The following SPPL2A variants were observed in gnomAD, a reference collection of about 807,000 sequenced individuals.
The protein encoded by SPPL2A is signal peptide peptidase like 2A.
In SPPL2A, 51 loss-of-function variants were observed where a neutral mutation model predicts 63.8. That is an observed-to-expected ratio of 0.80 (90% CI 0.64 to 1.01). The LOEUF is 1.01. Ranked by LOEUF, SPPL2A falls within the 50% of genes least tolerant of loss-of-function variation. The pLI is 0.00. For missense variants in SPPL2A, 553 were observed against 622.7 expected, an observed-to-expected ratio of 0.89 and a Z score of 1.19; for synonymous variants, 188 against 205.8, an observed-to-expected ratio of 0.91 and a Z score of 0.74.
chr15:50,749,500 A>C (rs2062888673), intron 2 of SPPL2A, 136 bp downstream of exon 2: 9 of 630,590 alleles, frequency 1.4e-5, no homozygotes, highest in Non-Finnish European at 2.6e-5. Context: ...GTTAGCCAGG[A>C]TGGTCTTGAT....
In SPPL2A at chr15:50,707,852, G is replaced by A. The variant is rs1673006221; in HGVS notation, c.1511C>T (p.Ala504Val). Residue 504 changes from alanine to valine, a missense_variant, in exon 15 of 15, where the codon GCA becomes GTA. Transcript: ENST00000261854. ...TATCACAGGGTTTTCTTCATTTGTT[G>A]CACAATCCAAATGGTCCATCATCTA... ...SYQMMDHLDC[A>V]TNEENPVISG... 2 of 1,597,132 alleles carry A rather than the reference G, an allele frequency of 1.3e-6. No homozygotes were observed. The highest frequency in any genetic ancestry group is 1.7e-6 in the Non-Finnish European group (2 of 1,164,628).
Position 50,722,149 on chromosome 15 carries a change from G to A in SPPL2A, c.1302C>T (p.Tyr434=), listed in dbSNP as rs1215255820. ...CAACTGTAGACGAAACATAGTATAT[G>A]TAAGAAGAACCAGTCTGAACATCAA... ...RRFDVQTGSS[Y]IYYVSSTVAY... is the part of the protein sequence containing the mutation. The change falls in exon 13 of 15, where the codon TAC becomes TAT. Residue 434 remains tyrosine (Y), a synonymous_variant. Transcript: ENST00000261854. 2 of 1,594,074 alleles carry A rather than the reference G, an allele frequency of 1.3e-6. No individual in the cohort carries two copies. The highest frequency in any genetic ancestry group is 1.1e-5 in the South Asian group (1 of 90,720).
intron 10 of SPPL2A, among the ~76,000 whole-genome samples, chr15:50,729,481 A>C (rs2899461): frequency 2.6e-5 from 4 of 151,996 alleles, no homozygotes; most frequent in Non-Finnish European, 4.4e-5. Flanking sequence ...TTGGCTGGGT[A>C]TAATGGCGTG....
At chr15:50,748,409 G>A (rs1475916119) in intron 3 of SPPL2A, among the ~76,000 whole-genome samples, 1 of 150,808 alleles carries the variant, frequency 6.6e-6, no homozygotes, top group Non-Finnish European at 1.5e-5. Flanking sequence ...TAGCATTTAT[G>A]ATATATTCAT....
chr15:50,743,514 T>C (rs919911363), intron 5 of SPPL2A, among the ~76,000 whole-genome samples: 1 of 151,816 alleles, frequency 6.6e-6, no homozygotes, highest in Non-Finnish European at 1.5e-5. Context: ...CCCAACTAAT[T>C]TGTAAATTCT....
chr15:50,741,913 C>T (rs138675518), intron 5 of SPPL2A, among the ~76,000 whole-genome samples: 1,520 of 150,908 alleles, frequency 0.01, 9 homozygotes, highest in East Asian at 0.023. Flanking sequence ...TTGCAGTGAG[C>T]GAAGACCGCA....
At chr15:50,757,213 G>A (rs2062966531) in intron 1 of SPPL2A, among the ~76,000 whole-genome samples, 1 of 151,760 alleles carries the variant, frequency 6.6e-6, no homozygotes, top group African/African-American at 2.4e-5. Context: ...CTCCCGAGTA[G>A]CTGGGACTAC....
At chr15:50,730,316 A>C (rs2062720349) in intron 10 of SPPL2A, among the ~76,000 whole-genome samples, 1 of 152,152 alleles carries the variant, frequency 6.6e-6, no homozygotes, top group Non-Finnish European at 1.5e-5. Context: ...AGCCAGTCTG[A>C]GAGAATGAAC....
intron 6 of SPPL2A, 111 bp from the exon 7 acceptor site, chr15:50,736,851 T>C (rs1403102828): frequency 4.0e-5 from 23 of 574,954 alleles, no homozygotes; most frequent in African/African-American, 1.7e-4. Context: ...ATACTTCCAA[T>C]GAAGTGACTA....
At chr15:50,732,212 A>T (rs6493453) in intron 9 of SPPL2A, among the ~76,000 whole-genome samples, 50 of 152,310 alleles carry the variant, frequency 3.3e-4, no homozygotes, top group African/African-American at 1.2e-3. Context: ...ATGAGAAATT[A>T]CTTAATGGGG....
Position 50,707,849 on chromosome 15 carries a change from G to A in SPPL2A, c.1514C>T (p.Thr505Ile), listed in dbSNP as rs749162042. Residue 505 changes from threonine (T) to isoleucine (I), a missense_variant, in exon 15 of 15, where the codon ACA becomes ATA. Transcript: ENST00000261854. The stretch of plus-strand genomic sequence containing the variant: ...AGATATCACAGGGTTTTCTTCATTT[G>A]TTGCACAATCCAAATGGTCCATCAT... ...YQMMDHLDCA[T>I]NEENPVISGE... 3.1e-6 allele frequency: 5 copies of A among 1,599,392 alleles called. No homozygotes were observed. Among genetic ancestry groups the A allele is most frequent in the East Asian group, 4.5e-5 (2 of 44,786 alleles).
Position 50,747,514 on chromosome 15 carries a change from A to G in SPPL2A, c.565T>C (p.Trp189Arg). Residue 189 changes from tryptophan (W) to arginine (R), a missense_variant, in exon 5 of 15, where the codon TGG becomes CGG. Coordinates refer to ENST00000261854, the MANE Select transcript of SPPL2A (RefSeq NM_032802.4). ...AVFTVALGGY[W>R]SGLVELENLK... Reference sequence around the variant, plus strand: ...ACTTACAATTCAACTAGTCCACTCCAGTATCCACCTAATGCCACAGTGAAC... The same window carrying G: ...ACTTACAATTCAACTAGTCCACTCCGGTATCCACCTAATGCCACAGTGAAC... 1.2e-6 allele frequency: 2 copies of G among 1,610,904 alleles called. No homozygotes were observed. The highest frequency in any genetic ancestry group is 1.7e-6 in the Non-Finnish European group (2 of 1,178,968).
At chr15:50,726,101 G>A in intron 11 of SPPL2A, 4 of 1,506,000 alleles carry the variant, frequency 2.7e-6, no homozygotes, top group Non-Finnish European at 3.5e-6. Context: ...GGGTTGACCA[G>A]TGGCTTCCAC....
At chr15:50,749,588 C>T (rs2062890266) in intron 2 of SPPL2A, 48 bp downstream of exon 2, 1 of 1,273,378 alleles carries the variant, frequency 7.9e-7, no homozygotes. Context: ...GCCCAGCCTC[C>T]TTCTTCACTA....
intron 14 of SPPL2A, among the ~76,000 whole-genome samples, chr15:50,714,523 T>G (rs1313032845): frequency 6.6e-6 from 1 of 151,084 alleles, no homozygotes; most frequent in East Asian, 1.9e-4. Context: ...ACCAGCTACT[T>G]GGGAGGCTGA....
intron 1 of SPPL2A, among the ~76,000 whole-genome samples, chr15:50,765,062 T>C (rs893686933): frequency 1.4e-4 from 21 of 148,136 alleles, no homozygotes; most frequent in African/African-American, 5.3e-4. Context: ...CCTTGTATAA[T>C]TTTTTTTTCT....
chr15:50,718,926 T>C (rs1046848857), intron 14 of SPPL2A, among the ~76,000 whole-genome samples: 7 of 152,048 alleles, frequency 4.6e-5, no homozygotes, highest in Admixed American at 4.6e-4. Flanking sequence ...GAGTGGTAGT[T>C]GTAATAGGGG....
chr15:50,738,773 G>C (rs909667161), intron 6 of SPPL2A, among the ~76,000 whole-genome samples: 11 of 152,028 alleles, frequency 7.2e-5, no homozygotes, highest in Non-Finnish European at 1.5e-4. Flanking sequence ...CCATTAATAA[G>C]ACTGTTCAGG....
At chr15:50,762,880 G>C (rs539317281) in intron 1 of SPPL2A, among the ~76,000 whole-genome samples, 3 of 151,134 alleles carry the variant, frequency 2.0e-5, no homozygotes, top group Admixed American at 6.6e-5. Context: ...TAACAGGCAC[G>C]CACCACCACG....
Sources: allele counts gnomAD v4.1 joint callset (sites outside exome capture counted in the v4.1 genomes callset), GRCh38; gene constraint gnomAD v4.1.1; transcripts MANE v1.5; gene names NCBI Gene and HGNC (gene_info 2026-07-23, HGNC 2026-07-21).